Variants in ANXA7 observed in about 807,000 individuals in gnomAD.
The protein encoded by ANXA7 is annexin A7.
A neutral mutation model predicts 64.9 loss-of-function variants in ANXA7; 55 were observed. The ratio of observed to expected loss-of-function variants is 0.85; its 90% confidence interval spans 0.68 to 1.06. The LOEUF (loss-of-function observed/expected upper bound fraction) is 1.06. ANXA7 is among the 50% of genes least tolerant of loss of function. The pLI, the probability that ANXA7 is intolerant of heterozygous loss-of-function variation, is 0.00. For synonymous variants in ANXA7, 200 were observed against 192.4 expected (o/e 1.04, Z -0.33); for missense variants, 548 against 582.1 (o/e 0.94, Z 0.60).
chr10:73,387,127 T>G (rs928493733), intron 7 of ANXA7, among the ~76,000 whole-genome samples: 1 of 152,216 alleles, frequency 6.6e-6, no homozygotes, highest in Non-Finnish European at 1.5e-5. Context: ...ATGATTGTAG[T>G]TGTGATCTAC....
At chr10:73,413,473 G>C (rs1247219821) in intron 1 of ANXA7, among the ~76,000 whole-genome samples, 1 of 152,192 alleles carries the variant, frequency 6.6e-6, no homozygotes, top group Non-Finnish European at 1.5e-5. Flanking sequence ...CTGCTGGTCG[G>C]GGAACAGCAA....
intron 1 of ANXA7, among the ~76,000 whole-genome samples, chr10:73,406,107 C>G (rs1279328150): frequency 6.6e-6 from 1 of 152,066 alleles, no homozygotes; most frequent in East Asian, 1.9e-4. Flanking sequence ...AGGCGCCCAC[C>G]ACCACACCCG....
chr10:73,376,343 C>T, intron 12 of ANXA7, 126 bp from the exon 13 acceptor site: 2 of 884,714 alleles, frequency 2.3e-6, no homozygotes, highest in Non-Finnish European at 1.6e-6. Flanking sequence ...AAGTGACTGA[C>T]ATTTTATGGC....
intron 5 of ANXA7, among the ~76,000 whole-genome samples, chr10:73,391,124 C>A (rs1199423298): frequency 1.3e-5 from 2 of 148,672 alleles, no homozygotes; most frequent in Admixed American, 1.3e-4. Flanking sequence ...CCCCAGATCG[C>A]GCCACTGCAC....
chr10:73,399,271 T>C (rs955488810), intron 2 of ANXA7, among the ~76,000 whole-genome samples: 2 of 152,154 alleles, frequency 1.3e-5, no homozygotes, highest in Non-Finnish European at 2.9e-5. Flanking sequence ...AATACATTTG[T>C]TTTTTCATCG....
chr10:73,377,056 T>C (rs897183123), intron 12 of ANXA7, among the ~76,000 whole-genome samples: 12 of 152,180 alleles, frequency 7.9e-5, no homozygotes, highest in African/African-American at 2.9e-4. Flanking sequence ...TTTTCAGTTT[T>C]GCAAGTTGAA....
At chr10:73,413,197 G>A (rs1207201397) in intron 1 of ANXA7, among the ~76,000 whole-genome samples, 7 of 152,178 alleles carry the variant, frequency 4.6e-5, no homozygotes, top group Non-Finnish European at 1.0e-4. Context: ...CTGAAAGTTT[G>A]CAGTGGCCAA....
rs530648401 is a variant in ANXA7 at position 73,399,918 on chromosome 10, G to C, written c.54+885C>G. 2.6e-5 allele frequency among the ~76,000 whole-genome samples: 4 copies of C among 152,228 alleles called. No homozygotes were observed. The South Asian group carries it at 8.3e-4, about 32-fold the overall frequency. On this transcript the variant is annotated intron_variant, in intron 2 of 12. Coordinates refer to ENST00000372921, the MANE Select transcript of ANXA7 (RefSeq NM_001156.5). The stretch of plus-strand genomic sequence containing the variant: ...GCACTTTGGGAGGCCAAGGAGGGCA[G>C]ATCATTTGAGGTCAGGAGTTTGAGA...
In ANXA7 at chr10:73,378,905, C is replaced by T. The variant is rs770389376; in HGVS notation, c.1278+6G>A. On this transcript the variant is annotated splice_donor_region_variant and intron_variant, in intron 12 of 12. Coordinates refer to ENST00000372921, the MANE Select transcript of ANXA7 (RefSeq NM_001156.5). ...GACCCGACAAAAAGAGAGAGGCCTGCCTCACCTCACTTCGAGTGACCACAA... is the reference window on the plus strand; with the variant it reads ...GACCCGACAAAAAGAGAGAGGCCTGTCTCACCTCACTTCGAGTGACCACAA... 6.2e-7 allele frequency: 1 copy of T among 1,604,930 alleles called. No homozygotes were observed. The highest frequency in any genetic ancestry group is 2.2e-5 in the East Asian group (1 of 44,756).
chr10:73,383,365 G>A lies in ANXA7; in HGVS notation c.748-20C>T, dbSNP rs780954343. 6 of 1,577,586 alleles carry A rather than the reference G, an allele frequency of 3.8e-6. No homozygotes were observed. The highest frequency in any genetic ancestry group is 4.3e-6 in the Non-Finnish European group (5 of 1,161,648). ...TGCTCCCTACATGAAATGAAGGGAA[G>A]ATTATACAAAGAAAAATGAAATTTC... On this transcript the variant is annotated intron_variant, in intron 8 of 12. Transcript: ENST00000372921.
At chr10:73,406,017 G>A (rs1201488015) in intron 1 of ANXA7, among the ~76,000 whole-genome samples, 1 of 151,614 alleles carries the variant, frequency 6.6e-6, no homozygotes, top group African/African-American at 2.4e-5. Context: ...GTGCAGTGGT[G>A]CAATCTCGGC....
chr10:73,403,006 G>A (rs1219046091), intron 1 of ANXA7, among the ~76,000 whole-genome samples: 1 of 152,104 alleles, frequency 6.6e-6, no homozygotes, highest in Non-Finnish European at 1.5e-5. Flanking sequence ...TGTATTTTTA[G>A]TAGAGATGGG....
intron 5 of ANXA7, among the ~76,000 whole-genome samples, chr10:73,395,245 C>T (rs1214038255): frequency 6.6e-6 from 1 of 152,102 alleles, no homozygotes; most frequent in African/African-American, 2.4e-5. Context: ...GCTCACATAC[C>T]TCAAATCAGG....
chr10:73,393,263 C>T lies in ANXA7; in HGVS notation c.435+3256G>A, dbSNP rs374109048. Among the ~76,000 whole-genome samples the T allele has an allele frequency of 3.9e-5, 6 of 152,172 alleles. No individual in the cohort carries two copies. In the East Asian group the frequency reaches 5.8e-4, roughly 15 times the overall value. Reference sequence around the variant, plus strand: ...GCTCATGGATAGGAAGAATCAATATCGTGAAAATGGCCATACTGCCCAAGG... The same window carrying T: ...GCTCATGGATAGGAAGAATCAATATTGTGAAAATGGCCATACTGCCCAAGG... On this transcript the variant is annotated intron_variant, in intron 5 of 12. Coordinates refer to ENST00000372921, the MANE Select transcript of ANXA7 (RefSeq NM_001156.5).
At chr10:73,385,016 AT>A (rs1001044776) in intron 7 of ANXA7, among the ~76,000 whole-genome samples, 2 of 152,290 alleles carry the variant, frequency 1.3e-5, no homozygotes, top group Non-Finnish European at 2.9e-5. Flanking sequence ...AGACTCAGAG[AT>A]TCTGTGTATT....
chr10:73,413,573 G>A (rs2055877714), intron 1 of ANXA7, among the ~76,000 whole-genome samples: 1 of 152,174 alleles, frequency 6.6e-6, no homozygotes, highest in African/African-American at 2.4e-5. Context: ...CTGTCCTACG[G>A]TTCACTAAAC....
chr10:73,396,503 G>A lies in ANXA7; in HGVS notation c.435+16C>T. The stretch of plus-strand genomic sequence containing the variant: ...CTAGCTACCTAGAGTGAGCTTAAAA[G>A]GTAGGAACAAAATACCTGACTAGGG... On this transcript the variant is annotated intron_variant, in intron 5 of 12. Transcript: ENST00000372921. 6.3e-7 allele frequency: 1 copy of A among 1,591,900 alleles called. No individual in the cohort carries two copies. Among genetic ancestry groups the A allele is most frequent in the Non-Finnish European group, 8.6e-7 (1 of 1,166,072 alleles).
chr10:73,379,148 GTGAGT>G (rs2055233248), intron 11 of ANXA7, 125 bp from the exon 12 acceptor site: 1 of 638,836 alleles, frequency 1.6e-6, no homozygotes, highest in East Asian at 3.2e-5. Flanking sequence ...GAAACATGGG[GTGAGT>G]TAAGAGTGTT....
chr10:73,405,077 A>G (rs2055731506), intron 1 of ANXA7, among the ~76,000 whole-genome samples: 1 of 152,034 alleles, frequency 6.6e-6, no homozygotes, highest in African/African-American at 2.4e-5. Context: ...CCCCATCTCT[A>G]TAAAAAATCC....
Sources: gnomAD v4.1 joint callset for allele counts (sites outside exome capture counted in the v4.1 genomes callset) on GRCh38, gnomAD v4.1.1 for gene constraint, MANE v1.5 for transcripts, NCBI Gene and HGNC (gene_info 2026-07-23, HGNC 2026-07-21) for gene names.